Variants in GRM3 observed in about 807,000 individuals in gnomAD.
The protein encoded by GRM3 is glutamate metabotropic receptor 3.
A neutral mutation model predicts 70.5 loss-of-function variants in GRM3; 26 were observed. That is an observed-to-expected ratio of 0.37 (90% CI 0.27 to 0.51). GRM3 has a LOEUF of 0.51. Among genes scored for constraint, GRM3 ranks in the 20% least tolerant of loss-of-function variants. The probability of loss-of-function intolerance (pLI) is 0.93; values close to 1 mark genes in which losing one functional copy is unlikely to be tolerated. For missense variants in GRM3, 859 were observed against 1,123.8 expected, an observed-to-expected ratio of 0.76 and a Z score of 3.37; for synonymous variants, 443 against 434.9, an observed-to-expected ratio of 1.02 and a Z score of -0.23.
chr7:86,725,796 A>T (rs1355136352), intron 1 of GRM3, among the ~76,000 whole-genome samples: 3 of 152,148 alleles, frequency 2.0e-5, no homozygotes, highest in Non-Finnish European at 4.4e-5. Context: ...AGAATAAGGT[A>T]CCAGCCAATT....
chr7:86,799,570 A>G (rs910012623), intron 3 of GRM3, among the ~76,000 whole-genome samples: 6 of 151,968 alleles, frequency 3.9e-5, no homozygotes, highest in African/African-American at 1.5e-4. Context: ...TCTGTCGCCC[A>G]GGCTGGAGTG....
chr7:86,785,933 C>T (rs967294651), intron 2 of GRM3: 1 of 193,280 alleles, frequency 5.2e-6, no homozygotes, highest in African/African-American at 2.3e-5. Context: ...ACCCCAGAAA[C>T]TTAAAGAAAC....
At chr7:86,854,706 C>A (rs533762053) in intron 5 of GRM3, among the ~76,000 whole-genome samples, 30 of 152,140 alleles carry the variant, frequency 2.0e-4, no homozygotes, top group African/African-American at 7.0e-4. Flanking sequence ...AACAGACACC[C>A]CAGCTGTTTC....
intron 1 of GRM3, among the ~76,000 whole-genome samples, chr7:86,757,027 A>G (rs1338700354): frequency 6.6e-6 from 1 of 152,076 alleles, no homozygotes; most frequent in Admixed American, 6.6e-5. Flanking sequence ...GAATCTCCAT[A>G]TAGTATTTTT....
At chr7:86,713,862 G>A (rs993547197) in intron 1 of GRM3, among the ~76,000 whole-genome samples, 7 of 152,010 alleles carry the variant, frequency 4.6e-5, no homozygotes, top group South Asian at 2.1e-4. Context: ...TATAAAGAAC[G>A]TAATTGACCA....
At chr7:86,759,337 G>C (rs950102295) in intron 1 of GRM3, among the ~76,000 whole-genome samples, 1 of 152,024 alleles carries the variant, frequency 6.6e-6, no homozygotes, top group Non-Finnish European at 1.5e-5. Flanking sequence ...AAAGATATTT[G>C]GGTCAAATTT....
chr7:86,853,741 C>T (rs1009040600), intron 5 of GRM3, among the ~76,000 whole-genome samples: 2 of 152,162 alleles, frequency 1.3e-5, no homozygotes, highest in African/African-American at 4.8e-5. Flanking sequence ...TCCTGCATAA[C>T]AAACTTCTCC....
At chr7:86,755,323 T>G (rs544821645) in intron 1 of GRM3, among the ~76,000 whole-genome samples, 1 of 152,294 alleles carries the variant, frequency 6.6e-6, no homozygotes, top group African/African-American at 2.4e-5. Flanking sequence ...ATTCAGCAAG[T>G]CAATTCAGGT....
At chr7:86,718,778 A>G (rs987520290) in intron 1 of GRM3, among the ~76,000 whole-genome samples, 35 of 152,140 alleles carry the variant, frequency 2.3e-4, no homozygotes, top group African/African-American at 8.2e-4. Context: ...TTGGCATTGT[A>G]CATTAAATAC....
intron 3 of GRM3, among the ~76,000 whole-genome samples, chr7:86,819,860 T>C (rs541347985): frequency 1.3e-5 from 2 of 152,242 alleles, no homozygotes; most frequent in Non-Finnish European, 2.9e-5. Context: ...CAAAATAAAA[T>C]GAGAATAGAA....
chr7:86,743,102 CTATGT>C (rs1286041053), intron 1 of GRM3, among the ~76,000 whole-genome samples: 1 of 152,122 alleles, frequency 6.6e-6, no homozygotes, highest in Admixed American at 6.6e-5. Context: ...ACTCTTCTCA[CTATGT>C]TATATTACAT....
At position 86,763,685 on chromosome 7, in the gene GRM3, A is replaced by G. The variant is rs190113479; in HGVS notation, c.-140-1321A>G. ...TGTGTGCACCCCAGCACTGGCATTC[A>G]TTGCACTACCTGAGATGTGACGACA... On this transcript the variant is annotated intron_variant, in intron 1 of 5. Transcript: ENST00000361669. 1.7e-3 allele frequency among the ~76,000 whole-genome samples: 265 copies of G among 152,252 alleles called. 1 individual carries two copies. The highest frequency in any genetic ancestry group is 3.4e-3 in the Middle Eastern group (1 of 294).
chr7:86,697,842 T>G (rs2463398), intron 1 of GRM3, among the ~76,000 whole-genome samples: 104,363 of 151,914 alleles, frequency 0.69, 36,497 homozygotes, highest in East Asian at 0.88. Flanking sequence ...ACCCATCTCT[T>G]GTGTAGGAAA....
chr7:86,783,510 T>C (rs1004684300), intron 2 of GRM3, among the ~76,000 whole-genome samples: 3 of 131,858 alleles, frequency 2.3e-5, no homozygotes, highest in African/African-American at 3.3e-5. Flanking sequence ...GAGCAAAATA[T>C]GTTTGTGTGT....
At chr7:86,766,946 C>G (rs938401112) in intron 2 of GRM3, among the ~76,000 whole-genome samples, 3 of 152,170 alleles carry the variant, frequency 2.0e-5, no homozygotes, top group Middle Eastern at 3.2e-3. Flanking sequence ...TGCTGTGGCT[C>G]ATGCCTGTAA....
chr7:86,732,485 G>A (rs887359644), intron 1 of GRM3, among the ~76,000 whole-genome samples: 1 of 152,158 alleles, frequency 6.6e-6, no homozygotes, highest in African/African-American at 2.4e-5. Flanking sequence ...AGAGATTTTA[G>A]TTCAGAGACT....
At chr7:86,709,013 A>G (rs1462337603) in intron 1 of GRM3, among the ~76,000 whole-genome samples, 1 of 152,036 alleles carries the variant, frequency 6.6e-6, no homozygotes, top group Non-Finnish European at 1.5e-5. Context: ...AGTTATAGAG[A>G]CTATTTCACT....
chr7:86,760,235 G>A (rs755826552), intron 1 of GRM3, among the ~76,000 whole-genome samples: 3 of 151,992 alleles, frequency 2.0e-5, no homozygotes, highest in Non-Finnish European at 4.4e-5. Context: ...CCGAGTCCCT[G>A]AGCAAAGAAT....
In GRM3 at chr7:86,753,472, A is replaced by G. The variant is rs189814395; in HGVS notation, c.-140-11534A>G. Among the ~76,000 whole-genome samples the G allele has an allele frequency of 1.1e-3, 160 of 152,268 alleles. 1 individual carries two copies. The highest frequency in any genetic ancestry group is 4.7e-4 in the Non-Finnish European group (32 of 68,012). On this transcript the variant is annotated intron_variant, in intron 1 of 5. Coordinates refer to ENST00000361669, the MANE Select transcript of GRM3 (RefSeq NM_000840.3). ...ATGTCCCAGTAAGAAATTATTTTAC[A>G]TTGTAACCCAGAATAAATATTCATA... is the stretch of plus-strand genomic sequence containing the variant.
Sources: allele counts gnomAD v4.1 joint callset (sites outside exome capture counted in the v4.1 genomes callset), GRCh38; gene constraint gnomAD v4.1.1; transcripts MANE v1.5; gene names NCBI Gene and HGNC (gene_info 2026-07-23, HGNC 2026-07-21).